The following UPF2 variants were observed in gnomAD, a reference collection of about 807,000 sequenced individuals.
UPF2 encodes the protein UPF2 regulator of nonsense mediated mRNA decay.
Under a neutral mutation model 141.4 loss-of-function variants are expected in UPF2, and 17 were observed. The observed-to-expected ratio is 0.12, with a 90% confidence interval of 0.08 to 0.18. The LOEUF (loss-of-function observed/expected upper bound fraction) is 0.18. UPF2 is among the 10% of genes least tolerant of loss of function. UPF2 has a pLI of 1.00. For missense variants in UPF2, 1,152 were observed against 1,515.9 expected (o/e 0.76, Z 3.99); for synonymous variants, 540 against 498.0 (o/e 1.08, Z -1.12).
At position 11,959,717 on chromosome 10, in the gene UPF2, C is replaced by G. The variant is rs1833210611; in HGVS notation, c.2185-361G>C. Among the ~76,000 whole-genome samples the G allele has an allele frequency of 6.6e-6, 1 of 152,022 alleles. No individual in the cohort carries two copies. Among genetic ancestry groups the G allele is most frequent in the Admixed American group, 6.6e-5 (1 of 15,256 alleles). On this transcript the variant is annotated intron_variant, in intron 11 of 21. Coordinates refer to ENST00000357604, the MANE Select transcript of UPF2 (RefSeq NM_015542.4). This position sits in a 1 kb window ranked among gnomAD's most constrained non-coding sequence, Gnocchi z 5.9. ...GGAGGCTGCAGTAAGCCATGACTGG[C>G]ACTGCACTCCAGCCTGGGCAACAGC...
chr10:12,040,400 G>A (rs1335614654), intron 1 of UPF2, among the ~76,000 whole-genome samples: 1 of 152,042 alleles, frequency 6.6e-6, no homozygotes, highest in African/African-American at 2.4e-5. Context: ...CCAGCCTGGC[G>A]ACAAAGCCAG....
chr10:11,938,618 G>T (rs1472199229), intron 18 of UPF2, among the ~76,000 whole-genome samples: 1 of 151,002 alleles, frequency 6.6e-6, no homozygotes, highest in East Asian at 1.9e-4. Flanking sequence ...CCTTTGGCAT[G>T]ATTTTGCCAT....
intron 8 of UPF2, among the ~76,000 whole-genome samples, chr10:11,991,342 C>A (rs1313286166): frequency 6.6e-6 from 1 of 151,976 alleles, no homozygotes; most frequent in African/African-American, 2.4e-5. Flanking sequence ...AGAATAAAAT[C>A]GCCAGAAAAC....
intron 5 of UPF2, among the ~76,000 whole-genome samples, chr10:12,003,562 T>A (rs1476594717): frequency 1.3e-5 from 2 of 152,160 alleles, no homozygotes; most frequent in Non-Finnish European, 2.9e-5. Context: ...TTAACAATTT[T>A]AAATTATATT....
At chr10:11,923,670 C>CA (rs58541027) in intron 21 of UPF2, among the ~76,000 whole-genome samples, 2,913 of 106,904 alleles carry the variant, frequency 0.027, 46 homozygotes, top group East Asian at 0.074. Flanking sequence ...GACCCCATCT[C>CA]AAAAAAAAAA....
Position 11,936,101 on chromosome 10 carries a change from T to C in UPF2, c.3546+444A>G, listed in dbSNP as rs768073781. ...AAACACATAAGGGGCCAAGTGCAGTTGCTCACGCCTATAATCCAAGCACTT... is the reference window on the plus strand; with the variant it reads ...AAACACATAAGGGGCCAAGTGCAGTCGCTCACGCCTATAATCCAAGCACTT... On this transcript the variant is annotated intron_variant, in intron 19 of 21. Transcript: ENST00000357604. The surrounding 1 kb of genome is among the most constrained non-coding windows in gnomAD (Gnocchi z 6.6). Among the ~76,000 whole-genome samples the C allele has an allele frequency of 6.6e-6, 1 of 152,222 alleles. No homozygotes were observed. Among genetic ancestry groups the C allele is most frequent in the South Asian group, 2.1e-4 (1 of 4,814 alleles).
chr10:11,975,131 T>C (rs570962802), intron 9 of UPF2, among the ~76,000 whole-genome samples: 3 of 152,332 alleles, frequency 2.0e-5, no homozygotes, highest in African/African-American at 4.8e-5. Flanking sequence ...CGTGTTGGCA[T>C]GCGCCTGTAG....
intron 18 of UPF2, among the ~76,000 whole-genome samples, chr10:11,937,711 C>G (rs1832871973): frequency 6.6e-6 from 1 of 152,110 alleles, no homozygotes; most frequent in Non-Finnish European, 1.5e-5. Flanking sequence ...GAAAGGCCCT[C>G]AATGTCTTAG....
chr10:11,994,768 A>C (rs1833837376), intron 8 of UPF2, among the ~76,000 whole-genome samples: 1 of 151,978 alleles, frequency 6.6e-6, no homozygotes, highest in South Asian at 2.1e-4. Flanking sequence ...CGAAGTCAGG[A>C]GATCGAAACC....
At chr10:12,040,515 T>C (rs1279398930) in intron 1 of UPF2, among the ~76,000 whole-genome samples, 1 of 152,188 alleles carries the variant, frequency 6.6e-6, no homozygotes, top group East Asian at 1.9e-4. Flanking sequence ...CCTTAAGTCC[T>C]GATACTGGTA....
chr10:11,977,374 C>T lies in UPF2; in HGVS notation c.1953+1683G>A, dbSNP rs181620322. Among the ~76,000 whole-genome samples, 7 of 152,200 alleles carry T rather than the reference C, an allele frequency of 4.6e-5. No homozygotes were observed. In the East Asian group the frequency reaches 9.6e-4, roughly 21 times the overall value. ...GTAGAGTGCTCTTTCTTCTCTCCTTCGAGAGCACTGGTTCCCAAAGTATGC... is the reference window on the plus strand; with the variant it reads ...GTAGAGTGCTCTTTCTTCTCTCCTTTGAGAGCACTGGTTCCCAAAGTATGC... On this transcript the variant is annotated intron_variant, in intron 9 of 21. Transcript: ENST00000357604.
At chr10:11,958,261 G>A (rs1313866226) in intron 12 of UPF2, among the ~76,000 whole-genome samples, 1 of 152,128 alleles carries the variant, frequency 6.6e-6, no homozygotes, top group East Asian at 1.9e-4. Flanking sequence ...GATCAGCAGA[G>A]CTCTAAACCA....
intron 6 of UPF2, among the ~76,000 whole-genome samples, chr10:12,000,852 A>G (rs773544010): frequency 5.9e-5 from 9 of 152,182 alleles, no homozygotes; most frequent in African/African-American, 9.7e-5. Flanking sequence ...TCAAAACTCG[A>G]TAAGAAGCAT....
chr10:11,987,761 C>CAA (rs572687103), intron 8 of UPF2, among the ~76,000 whole-genome samples: 1,952 of 54,150 alleles, frequency 0.036, 276 homozygotes, highest in South Asian at 0.13. Flanking sequence ...GACTCTGCCT[C>CAA]AAAAAAAAAA....
At chr10:11,929,335 A>G (rs2131150127) in intron 21 of UPF2, among the ~76,000 whole-genome samples, 1 of 152,362 alleles carries the variant, frequency 6.6e-6, no homozygotes, top group Non-Finnish European at 1.5e-5. Flanking sequence ...AAAAGAAGAA[A>G]AAAGAAGTCC....
intron 3 of UPF2, among the ~76,000 whole-genome samples, chr10:12,023,675 G>A (rs926228012): frequency 4.6e-5 from 7 of 151,152 alleles, no homozygotes; most frequent in Admixed American, 4.0e-4. Flanking sequence ...GGGGGACAGA[G>A]CGAGACTCCA....
At chr10:12,028,624 T>C in intron 3 of UPF2, 121 bp downstream of exon 3, 1 of 999,748 alleles carries the variant, frequency 1.0e-6, no homozygotes, top group South Asian at 1.9e-5. Context: ...CCTGGAATGT[T>C]AAGAAATCAC....
chr10:11,960,472 G>A (rs1457294659), intron 11 of UPF2, among the ~76,000 whole-genome samples: 1 of 152,184 alleles, frequency 6.6e-6, no homozygotes, highest in East Asian at 1.9e-4. Flanking sequence ...GGAAGCTGAA[G>A]CAGGAGGATC....
intron 5 of UPF2, 132 bp from the exon 6 acceptor site, chr10:12,001,957 T>A: frequency 2.5e-6 from 2 of 795,496 alleles, no homozygotes; most frequent in Non-Finnish European, 3.7e-6. Flanking sequence ...CTGAAGTTAA[T>A]ATATTTAGAT....
Sources: gnomAD v4.1 joint callset for allele counts (sites outside exome capture counted in the v4.1 genomes callset) on GRCh38, gnomAD v4.1.1 for gene constraint, Gnocchi (gnomAD v3.1) non-coding constraint, MANE v1.5 for transcripts, NCBI Gene and HGNC (gene_info 2026-07-23, HGNC 2026-07-21) for gene names.